Variants in MMP16 observed in about 807,000 individuals in gnomAD.
MMP16 encodes matrix metallopeptidase 16.
MMP16 carries 12 observed loss-of-function variants against 67.8 expected under a neutral mutation model. The ratio of observed to expected loss-of-function variants is 0.18; its 90% CI spans 0.11 to 0.29. The LOEUF (loss-of-function observed/expected upper bound fraction) is 0.29, where lower values mean the gene tolerates loss of function less well. Among genes scored for constraint, MMP16 ranks in the 10% least tolerant of loss-of-function variants. MMP16 has a pLI of 1.00. For synonymous variants in MMP16, 249 were observed against 255.9 expected, an observed-to-expected ratio of 0.97 and a Z score of 0.26; for missense variants, 475 against 765.7, an observed-to-expected ratio of 0.62 and a Z score of 4.48.
At chr8:88,284,945 C>G (rs183633218) in intron 1 of MMP16, among the ~76,000 whole-genome samples, 2 of 151,886 alleles carry the variant, frequency 1.3e-5, no homozygotes, top group African/African-American at 4.8e-5. Flanking sequence ...GTAAATTCCT[C>G]AAGGTAAACT....
In MMP16 at chr8:88,193,980, A is replaced by G. The variant is rs181306925; in HGVS notation, c.281+3178T>C. Among the ~76,000 whole-genome samples the G allele has an allele frequency of 3.6e-3, 544 of 152,110 alleles. 2 individuals carry two copies. The highest frequency in any genetic ancestry group is 4.1e-3 in the Non-Finnish European group (280 of 67,950). Reference sequence around the variant, plus strand: ...GCTTGCTTCCAAAAATTAGCTATGCATCTATAATTTAAAAGAATCACTGAT... The same window carrying G: ...GCTTGCTTCCAAAAATTAGCTATGCGTCTATAATTTAAAAGAATCACTGAT... On this transcript the variant is annotated intron_variant, in intron 2 of 9. Coordinates refer to ENST00000286614, the MANE Select transcript of MMP16 (RefSeq NM_005941.5).
At chr8:88,102,503 C>T (rs1352380891) in intron 6 of MMP16, among the ~76,000 whole-genome samples, 2 of 151,724 alleles carry the variant, frequency 1.3e-5, no homozygotes, top group Admixed American at 6.6e-5. Context: ...AGAAGCTCTC[C>T]AAACCCTGTC....
At chr8:88,279,220 CAAAA>C (rs767410219) in intron 1 of MMP16, among the ~76,000 whole-genome samples, 1 of 94,448 alleles carries the variant, frequency 1.1e-5, no homozygotes. Flanking sequence ...GACTCTGTCT[CAAAA>C]AAAAAAAAAA....
intron 7 of MMP16, among the ~76,000 whole-genome samples, chr8:88,057,374 C>T (rs1808344679): frequency 6.6e-6 from 1 of 152,024 alleles, no homozygotes; most frequent in South Asian, 2.1e-4. Context: ...GCAGTATCTC[C>T]ACTAATATTA....
At chr8:88,302,726 A>T (rs1811124049) in intron 1 of MMP16, among the ~76,000 whole-genome samples, 1 of 152,222 alleles carries the variant, frequency 6.6e-6, no homozygotes, top group Non-Finnish European at 1.5e-5. Flanking sequence ...AGAGGGTCCA[A>T]GATGGCCGAT....
intron 6 of MMP16, among the ~76,000 whole-genome samples, chr8:88,077,942 G>A (rs1808678154): frequency 6.6e-6 from 1 of 152,112 alleles, no homozygotes; most frequent in African/African-American, 2.4e-5. Context: ...AACAACATAA[G>A]TTTGGTTTTT....
At chr8:88,228,996 T>C (rs918660899) in intron 1 of MMP16, among the ~76,000 whole-genome samples, 4 of 145,238 alleles carry the variant, frequency 2.8e-5, no homozygotes, top group Non-Finnish European at 3.1e-5. Context: ...CTCGTCTCTA[T>C]GAAAATAAAA....
chr8:88,102,890 T>C (rs1452878651), intron 6 of MMP16, among the ~76,000 whole-genome samples: 1 of 151,852 alleles, frequency 6.6e-6, no homozygotes, highest in African/African-American at 2.4e-5. Flanking sequence ...TCTTACCAGT[T>C]CCACCCCCAG....
rs572078801 is a variant in MMP16 at position 88,032,583 on chromosome 8, T to G, written c.*8878A>C. The G allele has an allele frequency of 6.6e-6, 1 of 152,032 alleles. No homozygotes were observed. The highest frequency in any genetic ancestry group is 1.5e-5 in the Non-Finnish European group (1 of 67,992). The allele number at this position is 152,032 out of a possible 1,614,324, so 9.4% of individuals were successfully genotyped here. ...CTGATCAATAAAATCAATGAAAAAATTAATTTAAGCACCACAAAATTTTGC... is the reference window on the plus strand; with the variant it reads ...CTGATCAATAAAATCAATGAAAAAAGTAATTTAAGCACCACAAAATTTTGC... On this transcript the variant is annotated 3_prime_UTR_variant, in exon 10 of 10. Coordinates refer to ENST00000286614, the MANE Select transcript of MMP16 (RefSeq NM_005941.5).
chr8:88,235,705 T>C (rs1038017651), intron 1 of MMP16, among the ~76,000 whole-genome samples: 1 of 152,128 alleles, frequency 6.6e-6, no homozygotes, highest in Non-Finnish European at 1.5e-5. Flanking sequence ...GTGCCCAGAA[T>C]GTTCCCAAAT....
chr8:88,093,442 C>T (rs1005330108), intron 6 of MMP16, among the ~76,000 whole-genome samples: 25 of 151,824 alleles, frequency 1.6e-4, no homozygotes, highest in African/African-American at 4.8e-4. Context: ...TCCTTTTAAG[C>T]GCGAATCACT....
At chr8:88,218,153 C>T (rs1397041292) in intron 1 of MMP16, among the ~76,000 whole-genome samples, 2 of 152,054 alleles carry the variant, frequency 1.3e-5, no homozygotes, top group Non-Finnish European at 2.9e-5. Context: ...TATGTATATC[C>T]ATCCTTTCAC....
At position 88,186,595 on chromosome 8, in the gene MMP16, C is replaced by A; in HGVS notation, c.285G>T (p.Trp95Cys). 7.0e-7 allele frequency: 1 copy of A among 1,425,446 alleles called. No individual in the cohort carries two copies. The allele number at this position is 1,425,446 out of a possible 1,614,324, so 88.3% of individuals were successfully genotyped here. Residue 95 changes from tryptophan to cysteine, a missense_variant, in exon 3 of 10, where the codon TGG becomes TGT. Trp to Cys is a radical substitution (Grantham distance 215). Transcript: ENST00000286614. Reference sequence around the variant, plus strand: ...GTACACCGCATCGGGGCTTCTTCATCCAGCTGCAAAAAAAAAAAAAAAAAA... The same window carrying A: ...GTACACCGCATCGGGGCTTCTTCATACAGCTGCAAAAAAAAAAAAAAAAAA... ...TGKVDRNTID[W>C]MKKPRCGVPD...
At chr8:88,305,967 A>C (rs886934922) in intron 1 of MMP16, among the ~76,000 whole-genome samples, 6 of 152,006 alleles carry the variant, frequency 3.9e-5, no homozygotes, top group African/African-American at 1.4e-4. Context: ...AGAGACACGA[A>C]AAGCCCCTTG....
chr8:88,164,630 G>A (rs1248561071), intron 4 of MMP16, among the ~76,000 whole-genome samples: 1 of 151,968 alleles, frequency 6.6e-6, no homozygotes, highest in Non-Finnish European at 1.5e-5. Context: ...TTATTTTGCA[G>A]GGTCCTTTCC....
intron 1 of MMP16, among the ~76,000 whole-genome samples, chr8:88,242,545 C>G (rs963205708): frequency 6.6e-6 from 1 of 152,042 alleles, no homozygotes; most frequent in Non-Finnish European, 1.5e-5. Flanking sequence ...GACTTGAAAC[C>G]AAGATCTCAT....
intron 4 of MMP16, among the ~76,000 whole-genome samples, chr8:88,154,068 A>G (rs1808461276): frequency 6.9e-6 from 1 of 145,502 alleles, no homozygotes. Flanking sequence ...ACATGAACAG[A>G]CACTTCTCAA....
At chr8:88,070,660 A>G (rs1355927481) in intron 7 of MMP16, among the ~76,000 whole-genome samples, 1 of 151,988 alleles carries the variant, frequency 6.6e-6, no homozygotes, top group Non-Finnish European at 1.5e-5. Context: ...TGTATCTTCA[A>G]CTGAGAAAGT....
intron 4 of MMP16, among the ~76,000 whole-genome samples, chr8:88,123,149 G>GT (rs770943711): frequency 2.6e-5 from 4 of 151,908 alleles, no homozygotes; most frequent in African/African-American, 9.7e-5. Context: ...ATGCTGTGGG[G>GT]TATTTTAGCA....
Sources: gnomAD v4.1 joint callset for allele counts (sites outside exome capture counted in the v4.1 genomes callset) on GRCh38, gnomAD v4.1.1 for gene constraint, MANE v1.5 for transcripts, NCBI Gene and HGNC (gene_info 2026-07-23, HGNC 2026-07-21) for gene names.